The following CALCOCO1 variants were observed in gnomAD, a reference collection of about 807,000 sequenced individuals.
CALCOCO1 encodes the protein calcium binding and coiled-coil domain 1.
A neutral mutation model predicts 86.3 loss-of-function variants in CALCOCO1; 44 were observed. That is an observed-to-expected ratio of 0.51 (90% confidence interval 0.40 to 0.66). CALCOCO1 has a LOEUF of 0.66. CALCOCO1 is among the 30% of genes least tolerant of loss of function. CALCOCO1 has a pLI of 0.00. For synonymous variants in CALCOCO1, 297 were observed against 327.6 expected (o/e 0.91, Z 1.01); for missense variants, 708 against 851.1 (o/e 0.83, Z 2.09).
chr12:53,716,468 C>A, intron 7 of CALCOCO1, 53 bp from the exon 8 acceptor site: 1 of 1,598,170 alleles, frequency 6.3e-7, no homozygotes, highest in Admixed American at 1.7e-5. Context: ...TGGGGTGGCT[C>A]GGGAGGTGAA....
intron 7 of CALCOCO1, 150 bp downstream of exon 7, chr12:53,719,589 A>G (rs1490578710): frequency 3.2e-6 from 2 of 624,822 alleles, no homozygotes; most frequent in Non-Finnish European, 5.8e-6. Flanking sequence ...CACTCTGACT[A>G]ATCCTGATTT....
intron 2 of CALCOCO1, 132 bp downstream of exon 2, chr12:53,724,955 T>G: frequency 9.3e-7 from 1 of 1,080,106 alleles, no homozygotes; most frequent in Non-Finnish European, 1.3e-6. Flanking sequence ...ACAGGCGGCC[T>G]CTGTCATCTG....
In CALCOCO1 at chr12:53,712,077, G is replaced by A. The variant is rs753176408; in HGVS notation, c.1943C>T (p.Pro648Leu). The A allele has an allele frequency of 1.1e-5, 17 of 1,610,554 alleles. No individual in the cohort carries two copies. Among genetic ancestry groups the A allele is most frequent in the Non-Finnish European group, 1.4e-5 (17 of 1,178,436 alleles). The change falls in exon 15 of 15, where the codon CCT (proline) becomes CTT (leucine). Residue 648 changes from proline (P) to leucine (L), a missense_variant. By Grantham distance (98) the Pro-to-Leu change is moderately conservative. Transcript: ENST00000550804. ...ACACTCCTTCCATGTGGGGGTGGCA[G>A]GGCCCCCAGTGCTGGTTTCTGACAG... is the stretch of plus-strand genomic sequence containing the variant. ...GTLSETSTGG[P>L]ATPTWKECPI...
intron 7 of CALCOCO1, among the ~76,000 whole-genome samples, chr12:53,717,742 C>T (rs903309649): frequency 1.3e-5 from 2 of 152,194 alleles, no homozygotes; most frequent in Non-Finnish European, 2.9e-5. Flanking sequence ...CAACACAAGG[C>T]CAGGTGCAGT....
chr12:53,711,187 T>TG lies in CALCOCO1; in HGVS notation c.*756dup, dbSNP rs1945540532. ...TATCAGGGGGAAGCTTTTATTGCTG[T>TG]GGGGGGACCTGGAGAGGGAGGGGGG... On this transcript the variant is annotated 3_prime_UTR_variant, in exon 15 of 15. Transcript: ENST00000550804. 4 of 395,730 alleles carry TG rather than the reference T, an allele frequency of 1.0e-5. No homozygotes were observed. Among genetic ancestry groups the TG allele is most frequent in the Non-Finnish European group, 1.8e-5 (4 of 224,916 alleles). 24.5% of individuals were successfully genotyped at this position (395,730 alleles called of 1,614,324 possible).
chr12:53,712,232 C>T, intron 14 of CALCOCO1, 111 bp from the exon 15 acceptor site: 1 of 883,306 alleles, frequency 1.1e-6, no homozygotes, highest in Non-Finnish European at 1.7e-6. Context: ...TTATCCTGTG[C>T]CTAATGCAGC....
intron 9 of CALCOCO1, chr12:53,715,573 C>T (rs1945702682): frequency 9.3e-6 from 7 of 753,010 alleles, no homozygotes; most frequent in Non-Finnish European, 1.5e-5. Context: ...TGTTTCTGTT[C>T]CAAGGAAGGT....
intron 11 of CALCOCO1, among the ~76,000 whole-genome samples, 166 bp from the exon 12 acceptor site, chr12:53,714,407 C>T (rs1945669424): frequency 6.6e-6 from 1 of 152,228 alleles, no homozygotes; most frequent in South Asian, 2.1e-4. Context: ...ACCCCTGCTT[C>T]ACCACTTACA....
chr12:53,719,533 C>T (rs1945813673), intron 7 of CALCOCO1, among the ~76,000 whole-genome samples: 2 of 151,974 alleles, frequency 1.3e-5, no homozygotes, highest in Admixed American at 1.3e-4. Flanking sequence ...CTCCAAAAAA[C>T]AAACAAAAAA....
intron 3 of CALCOCO1, 178 bp downstream of exon 3, chr12:53,724,467 C>T (rs1336200664): frequency 3.3e-6 from 2 of 601,244 alleles, no homozygotes; most frequent in Non-Finnish European, 6.0e-6. Flanking sequence ...CCTGATTCTG[C>T]GATAATCCCG....
Position 53,725,223 on chromosome 12 carries a change from C to G in CALCOCO1, c.20G>C (p.Ser7Thr). 6.2e-7 allele frequency: 1 copy of G among 1,603,012 alleles called. No homozygotes were observed. The change falls in exon 2 of 15, where the codon AGC (serine) becomes ACC (threonine). Residue 7 changes from serine (S) to threonine (T), a missense_variant. Physicochemically the swap from Ser to Thr is moderately conservative, Grantham distance 58. Coordinates refer to ENST00000550804, the MANE Select transcript of CALCOCO1 (RefSeq NM_020898.3). ...GACTCCACCACGGGATGGTGCCCGG[C>G]TTAGTGGTGATTCTTCCATCCTGGC... MEESPLSRAPSRGGVNF... is the reference protein window; with the variant it reads MEESPLTRAPSRGGVNF...
At chr12:53,724,982 T>C in intron 2 of CALCOCO1, 105 bp downstream of exon 2, 1 of 1,284,120 alleles carries the variant, frequency 7.8e-7, no homozygotes, top group South Asian at 1.4e-5. Context: ...CTTTCTCTCT[T>C]CTTCTCTATC....
chr12:53,713,687 C>T lies in CALCOCO1; in HGVS notation c.1791+14G>A. The T allele has an allele frequency of 6.6e-7, 1 of 1,519,564 alleles. No individual in the cohort carries two copies. 94.1% of individuals were successfully genotyped at this position (1,519,564 alleles called of 1,614,324 possible). A position where few individuals can be genotyped will look rare whatever the true frequency, so the allele number is the denominator to read the frequency against. On this transcript the variant is annotated intron_variant, in intron 13 of 14. Transcript: ENST00000550804. ...CCTCCTTACTGCTTCTGCACAGGCTCCTCCACTGCTCACCGAGTCAGAGCT... is the reference window on the plus strand; with the variant it reads ...CCTCCTTACTGCTTCTGCACAGGCTTCTCCACTGCTCACCGAGTCAGAGCT...
At chr12:53,716,196 G>A (rs17102058) in intron 8 of CALCOCO1, 64 bp downstream of exon 8, 23,307 of 1,597,272 alleles carry the variant, frequency 0.015, 821 homozygotes, top group East Asian at 0.13. Flanking sequence ...CTTTAGACAC[G>A]CAGGCTTCTC....
At chr12:53,724,846 C>T in intron 2 of CALCOCO1, 99 bp from the exon 3 acceptor site, 1 of 960,144 alleles carries the variant, frequency 1.0e-6, no homozygotes. Context: ...CAGGATGGAG[C>T]TACAGTGGCA....
chr12:53,719,180 C>T (rs1450432509), intron 7 of CALCOCO1, among the ~76,000 whole-genome samples: 1 of 151,690 alleles, frequency 6.6e-6, no homozygotes, highest in Non-Finnish European at 1.5e-5. Flanking sequence ...TCTAATGTCT[C>T]TAACAAGATG....
chr12:53,724,124 G>A (rs928931406), intron 3 of CALCOCO1: 30 of 402,318 alleles, frequency 7.5e-5, no homozygotes, highest in South Asian at 2.1e-4. Flanking sequence ...TCTGCCTCCC[G>A]GGTTCAAGAG....
chr12:53,712,271 C>T (rs538088658), intron 14 of CALCOCO1, 150 bp from the exon 15 acceptor site: 32 of 640,276 alleles, frequency 5.0e-5, no homozygotes, highest in African/African-American at 9.3e-5. Context: ...GCGTCTTTCT[C>T]CCCACAATCC....
At chr12:53,714,387 T>TC in intron 11 of CALCOCO1, 146 bp from the exon 12 acceptor site, 1 of 685,412 alleles carries the variant, frequency 1.5e-6, no homozygotes, top group South Asian at 1.8e-5. Context: ...AGGCAGACAC[T>TC]CCCCCCAGCA....
Sources: gnomAD v4.1 joint callset for allele counts (sites outside exome capture counted in the v4.1 genomes callset) on GRCh38, gnomAD v4.1.1 for gene constraint, MANE v1.5 for transcripts, NCBI Gene and HGNC (gene_info 2026-07-23, HGNC 2026-07-21) for gene names.